NKAIN3: variants seen among roughly 807,000 people sequenced by gnomAD.
NKAIN3 encodes the protein sodium/potassium transporting ATPase interacting 3.
NKAIN3 carries 25 observed loss-of-function variants against 30.2 expected under a neutral mutation model. The observed-to-expected ratio is 0.83, with a 90% CI of 0.60 to 1.16. The LOEUF (loss-of-function observed/expected upper bound fraction) is 1.16, where lower values mean the gene tolerates loss of function less well. Ranked by LOEUF, NKAIN3 falls within the 50% of genes most tolerant of loss-of-function variation. The pLI is 0.00. For synonymous variants in NKAIN3, 91 were observed against 89.6 expected, an observed-to-expected ratio of 1.02 and a Z score of -0.09; for missense variants, 225 against 254.1, an observed-to-expected ratio of 0.89 and a Z score of 0.78.
intron 3 of NKAIN3, among the ~76,000 whole-genome samples, chr8:62,706,779 C>T (rs1379641618): frequency 3.3e-5 from 5 of 151,882 alleles, no homozygotes; most frequent in African/African-American, 7.3e-5. Context: ...TTAGTGCACT[C>T]GTCACCCAAG....
intron 4 of NKAIN3, among the ~76,000 whole-genome samples, chr8:62,849,966 A>G (rs1250090570): frequency 2.0e-5 from 3 of 152,056 alleles, no homozygotes; most frequent in Admixed American, 1.3e-4. Flanking sequence ...TTGGGTATAT[A>G]CCCAGTAATG....
At chr8:62,901,433 T>C (rs1821610692) in intron 4 of NKAIN3, among the ~76,000 whole-genome samples, 1 of 152,030 alleles carries the variant, frequency 6.6e-6, no homozygotes, top group Non-Finnish European at 1.5e-5. Flanking sequence ...AGCAAAACAC[T>C]CTATCTTAAG....
At chr8:62,596,640 A>C (rs190825387) in intron 3 of NKAIN3, among the ~76,000 whole-genome samples, 1 of 152,172 alleles carries the variant, frequency 6.6e-6, no homozygotes, top group Admixed American at 6.5e-5. Flanking sequence ...CCAGCTGAGC[A>C]CTAGTTCCTA....
chr8:62,348,277 T>G (rs2129591571), intron 1 of NKAIN3, among the ~76,000 whole-genome samples: 1 of 152,292 alleles, frequency 6.6e-6, no homozygotes, highest in Admixed American at 6.5e-5. Flanking sequence ...CGACTTAAAC[T>G]ATTTGGTCTG....
At chr8:62,656,205 C>T (rs1421466153) in intron 3 of NKAIN3, among the ~76,000 whole-genome samples, 1 of 152,138 alleles carries the variant, frequency 6.6e-6, no homozygotes, top group African/African-American at 2.4e-5. Flanking sequence ...TCTTCACACT[C>T]CCTGTTTTCC....
At chr8:62,296,694 G>A (rs140221451) in intron 1 of NKAIN3, among the ~76,000 whole-genome samples, 1 of 152,266 alleles carries the variant, frequency 6.6e-6, no homozygotes, top group East Asian at 1.9e-4. Context: ...TCTGTATTGA[G>A]AGGAAAAAAA....
chr8:62,964,437 A>T (rs775201929), intron 6 of NKAIN3, among the ~76,000 whole-genome samples: 1 of 152,052 alleles, frequency 6.6e-6, no homozygotes, highest in Non-Finnish European at 1.5e-5. Flanking sequence ...AAGTAGAGTC[A>T]TTGTCAAAAG....
intron 4 of NKAIN3, among the ~76,000 whole-genome samples, chr8:62,831,053 C>A (rs1819181177): frequency 6.6e-6 from 1 of 152,076 alleles, no homozygotes; most frequent in African/African-American, 2.4e-5. Context: ...AACTATCAGA[C>A]CCACCTGCAG....
At chr8:62,259,443 A>G (rs939882025) in intron 1 of NKAIN3, among the ~76,000 whole-genome samples, 1 of 152,160 alleles carries the variant, frequency 6.6e-6, no homozygotes, top group South Asian at 2.1e-4. Flanking sequence ...ATCCCCATTA[A>G]AACTAATTAG....
At chr8:62,488,712 A>T (rs1484739699) in intron 1 of NKAIN3, among the ~76,000 whole-genome samples, 1 of 152,210 alleles carries the variant, frequency 6.6e-6, no homozygotes, top group East Asian at 1.9e-4. Flanking sequence ...AGATAACGAC[A>T]TCTGAATAGG....
chr8:62,420,119 C>T (rs948303287), intron 1 of NKAIN3, among the ~76,000 whole-genome samples: 1 of 152,108 alleles, frequency 6.6e-6, no homozygotes, highest in Non-Finnish European at 1.5e-5. Context: ...ATCAATGAGC[C>T]AGGCCAGAGT....
rs551857947 is a variant in NKAIN3 at position 62,973,595 on chromosome 8, T to G, written c.*8188T>G. ...TGTCAGATGGATAGGTTGCAAAAAT[T>G]TTCTCCCATTCTGTAGGTTGCCTGT... On this transcript the variant is annotated 3_prime_UTR_variant, in exon 7 of 7. Coordinates refer to ENST00000623646, the MANE Select transcript of NKAIN3 (RefSeq NM_001304533.3). Among the ~76,000 whole-genome samples, 1 of 152,270 alleles carries G rather than the reference T, an allele frequency of 6.6e-6. No individual in the cohort carries two copies. Among genetic ancestry groups the G allele is most frequent in the Non-Finnish European group, 1.5e-5 (1 of 68,022 alleles).
intron 1 of NKAIN3, among the ~76,000 whole-genome samples, chr8:62,425,971 A>C (rs1260648573): frequency 2.0e-5 from 3 of 152,002 alleles, no homozygotes; most frequent in Non-Finnish European, 4.4e-5. Flanking sequence ...TTTCTTCAGA[A>C]TAGAACATAC....
At chr8:62,401,961 T>G (rs139239763) in intron 1 of NKAIN3, among the ~76,000 whole-genome samples, 1 of 152,218 alleles carries the variant, frequency 6.6e-6, no homozygotes, top group Admixed American at 6.5e-5. Flanking sequence ...TTCTAGAATC[T>G]GCTGGTGGTG....
At chr8:62,379,329 A>C (rs1162266483) in intron 1 of NKAIN3, among the ~76,000 whole-genome samples, 1 of 152,146 alleles carries the variant, frequency 6.6e-6, no homozygotes, top group Non-Finnish European at 1.5e-5. Flanking sequence ...TGGAATTTTG[A>C]GTTAATACTG....
intron 1 of NKAIN3, among the ~76,000 whole-genome samples, chr8:62,354,980 A>C (rs2129592013): frequency 6.6e-6 from 1 of 152,234 alleles, no homozygotes; most frequent in Non-Finnish European, 1.5e-5. Flanking sequence ...GAGAGTAAGC[A>C]AGCTATCCCT....
At chr8:62,856,797 T>A (rs1404080062) in intron 4 of NKAIN3, 3 of 629,024 alleles carry the variant, frequency 4.8e-6, no homozygotes, top group Non-Finnish European at 8.8e-6. Context: ...AATATTTCAC[T>A]GAATCTTTGT....
At chr8:62,383,187 A>C (rs1052021745) in intron 1 of NKAIN3, among the ~76,000 whole-genome samples, 28 of 152,152 alleles carry the variant, frequency 1.8e-4, no homozygotes, top group Non-Finnish European at 7.4e-5. Flanking sequence ...GCAGTCCCCT[A>C]CTGGCAAAGT....
rs138782653 is a variant in NKAIN3, at chr8:62,668,249, A to G, written c.273+78455A>G. Among the ~76,000 whole-genome samples, 508 of 152,244 alleles carry G rather than the reference A, an allele frequency of 3.3e-3. 5 individuals are homozygous for G. Among genetic ancestry groups the G allele is most frequent in the African/African-American group, 0.012 (481 of 41,550 alleles). On this transcript the variant is annotated intron_variant, in intron 3 of 6. Transcript: ENST00000623646. ...CCTTCCCATGAAACCATAAACTCCA[A>G]TAAGGCATGGACTTTGCTTTGCATC...
Sources: allele counts gnomAD v4.1 joint callset (sites outside exome capture counted in the v4.1 genomes callset), GRCh38; gene constraint gnomAD v4.1.1; transcripts MANE v1.5; gene names NCBI Gene and HGNC (gene_info 2026-07-23, HGNC 2026-07-21).